SIM2: variants seen among roughly 807,000 people sequenced by gnomAD.
SIM2 encodes single-minded homolog 2.
A neutral mutation model predicts 64.8 loss-of-function variants in SIM2; 28 were observed. The ratio of observed to expected loss-of-function variants is 0.43; its 90% confidence interval spans 0.32 to 0.59. SIM2 has a LOEUF of 0.59. SIM2 is among the 20% of genes least tolerant of loss of function. SIM2 has a pLI of 0.07. For synonymous variants in SIM2, 408 were observed against 391.1 expected (o/e 1.04, Z -0.51); for missense variants, 847 against 871.4 (o/e 0.97, Z 0.35).
chr21:36,714,629 G>A (rs149286590), intron 3 of SIM2, among the ~76,000 whole-genome samples: 345 of 152,270 alleles, frequency 2.3e-3, no homozygotes, highest in African/African-American at 8.1e-3. Context: ...AGAGTCCTTT[G>A]GGGGCTCCTA....
Position 36,726,249 on chromosome 21 carries a change from T to G in SIM2, c.674T>G (p.Ile225Ser). ...QSLPPSAITE[I>S]KLYSNMFMFR... Reference sequence around the variant, plus strand: ...CTGCCACCCAGTGCCATCACCGAGATCAAGCTGTACAGTAACATGTTCATG... The same window carrying G: ...CTGCCACCCAGTGCCATCACCGAGAGCAAGCTGTACAGTAACATGTTCATG... The change falls in exon 6 of 11, where the codon ATC (isoleucine) becomes AGC (serine). Residue 225 changes from isoleucine (I) to serine (S), a missense_variant. This residue lies in a region of SIM2 where 397 missense variants were observed against 439.2 expected (regional missense o/e 0.90). Transcript: ENST00000290399. The surrounding 1 kb of genome is among the most constrained non-coding windows in gnomAD (Gnocchi z 4.5). The G allele has an allele frequency of 6.2e-7, 1 of 1,613,688 alleles. No homozygotes were observed. Among genetic ancestry groups the G allele is most frequent in the South Asian group, 1.1e-5 (1 of 91,058 alleles).
intron 5 of SIM2, among the ~76,000 whole-genome samples, chr21:36,723,533 C>T (rs759235535): frequency 2.0e-5 from 3 of 152,196 alleles, no homozygotes; most frequent in East Asian, 1.9e-4. Context: ...AGTTCCCTGC[C>T]GCCGATGACG....
Position 36,699,679 on chromosome 21 carries a change from C to T in SIM2, c.-68C>T. The T allele has an allele frequency of 1.3e-6, 2 of 1,547,110 alleles. No individual in the cohort carries two copies. Among genetic ancestry groups the T allele is most frequent in the Admixed American group, 3.8e-5 (2 of 52,522 alleles). ...GCTCCCCCTTCCCCATCCCCGCCGC[C>T]GCAGCCCGAGCGGGGCTCCGCGGGC... On this transcript the variant is annotated 5_prime_UTR_variant, in exon 1 of 11. Coordinates refer to ENST00000290399, the MANE Select transcript of SIM2 (RefSeq NM_005069.6). The surrounding 1 kb of genome is among the most constrained non-coding windows in gnomAD (Gnocchi z 5.6).
At chr21:36,701,296 C>T (rs376054303) in intron 1 of SIM2, 9 of 152,636 alleles carry the variant, frequency 5.9e-5, no homozygotes, top group African/African-American at 2.2e-4. Context: ...GCCATCCCCA[C>T]CAGGCACTCT....
intron 1 of SIM2, among the ~76,000 whole-genome samples, chr21:36,708,536 C>T (rs573108968): frequency 6.6e-6 from 1 of 152,196 alleles, no homozygotes; most frequent in Non-Finnish European, 1.5e-5. Flanking sequence ...TCTCGGGGAG[C>T]CCCCAGGTAA....
intron 1 of SIM2, among the ~76,000 whole-genome samples, chr21:36,704,289 C>G (rs1018265430): frequency 6.6e-6 from 1 of 152,210 alleles, no homozygotes; most frequent in Non-Finnish European, 1.5e-5. Flanking sequence ...GAAACTCACC[C>G]CTATACCCCT....
At chr21:36,732,289 T>A (rs191405475) in intron 7 of SIM2, among the ~76,000 whole-genome samples, 1 of 152,322 alleles carries the variant, frequency 6.6e-6, no homozygotes, top group African/African-American at 2.4e-5. Context: ...TCGGGGGTGC[T>A]TTATAATGGG....
chr21:36,713,027 G>T (rs1405921420), intron 3 of SIM2, among the ~76,000 whole-genome samples: 2 of 152,196 alleles, frequency 1.3e-5, no homozygotes. Context: ...AAGCTGATGT[G>T]GAACATGGAT....
chr21:36,700,924 G>T (rs1020259331), intron 1 of SIM2, among the ~76,000 whole-genome samples: 13 of 152,260 alleles, frequency 8.5e-5, no homozygotes, highest in Non-Finnish European at 1.5e-4. Flanking sequence ...GTGGCGCGCT[G>T]GGTGGGCTGC....
chr21:36,719,946 G>GAAA lies in SIM2; in HGVS notation c.457+26_457+28dup. ...TGCTCCAAGGTATTCCATCCAGAGG[G>GAAA]AAAAAAAAAAACAGACTAAAAGCAA... On this transcript the variant is annotated intron_variant, in intron 4 of 10. Transcript: ENST00000290399. The GAAA allele has an allele frequency of 1.0e-5, 13 of 1,248,792 alleles. No individual in the cohort carries two copies. Among genetic ancestry groups the GAAA allele is most frequent in the African/African-American group, 7.7e-5 (5 of 64,804 alleles). The allele number at this position is 1,248,792 out of a possible 1,614,324, so 77.4% of individuals were successfully genotyped here. A position where few individuals can be genotyped will look rare whatever the true frequency, so the allele number is the denominator to read the frequency against.
rs1290195649 is a variant in SIM2, at chr21:36,748,231, T to A, written c.*139T>A. On this transcript the variant is annotated 3_prime_UTR_variant, in exon 11 of 11. Transcript: ENST00000290399. ...TTGGACCCCGCCGCCGACTTGCGGATTTCCACCGCGGAGGCCCCGCGCGCC... is the reference window on the plus strand; with the variant it reads ...TTGGACCCCGCCGCCGACTTGCGGAATTCCACCGCGGAGGCCCCGCGCGCC... 7 of 435,908 alleles carry A rather than the reference T, an allele frequency of 1.6e-5. No homozygotes were observed. The highest frequency in any genetic ancestry group is 2.3e-5 in the Non-Finnish European group (7 of 309,844). 27.0% of individuals were successfully genotyped at this position (435,908 alleles called of 1,614,324 possible).
At chr21:36,703,851 T>G (rs1264726388) in intron 1 of SIM2, among the ~76,000 whole-genome samples, 1 of 152,256 alleles carries the variant, frequency 6.6e-6, no homozygotes, top group Non-Finnish European at 1.5e-5. Flanking sequence ...ATAGCTGCTC[T>G]GACTACAGGC....
chr21:36,736,494 C>T (rs1044587880), intron 7 of SIM2, among the ~76,000 whole-genome samples: 2 of 152,164 alleles, frequency 1.3e-5, no homozygotes, highest in African/African-American at 4.8e-5. Flanking sequence ...AATCGCAGCC[C>T]CTAAAGAGAA....
At chr21:36,737,510 A>G (rs1440935489) in intron 7 of SIM2, among the ~76,000 whole-genome samples, 1 of 152,244 alleles carries the variant, frequency 6.6e-6, no homozygotes, top group Non-Finnish European at 1.5e-5. Context: ...AGAAGGGATC[A>G]GTGTCAGTAA....
intron 2 of SIM2, among the ~76,000 whole-genome samples, chr21:36,711,059 T>C (rs1386547372): frequency 2.0e-5 from 3 of 152,244 alleles, no homozygotes; most frequent in Non-Finnish European, 4.4e-5. Context: ...CGGGCGTCTT[T>C]GCAGTTATTA....
intron 3 of SIM2, among the ~76,000 whole-genome samples, chr21:36,718,662 A>G (rs2088777706): frequency 6.6e-6 from 1 of 152,124 alleles, no homozygotes; most frequent in African/African-American, 2.4e-5. Flanking sequence ...GTGGTGGAGG[A>G]AGTCCTACCA....
At chr21:36,718,234 C>A (rs138383932) in intron 3 of SIM2, among the ~76,000 whole-genome samples, 101 of 152,190 alleles carry the variant, frequency 6.6e-4, no homozygotes, top group African/African-American at 2.2e-3. Flanking sequence ...CAGAGGAGTG[C>A]GATAAATCAC....
In SIM2 at chr21:36,743,522, G is replaced by A; in HGVS notation, c.1134G>A (p.Lys378=). Residue 378 remains lysine, a synonymous_variant, in exon 9 of 11, where the codon AAG becomes AAA. Coordinates refer to ENST00000290399, the MANE Select transcript of SIM2 (RefSeq NM_005069.6). ...TGAAACCCAAAAATACCAAGATGAA[G>A]ACAAAGCTGAGAACAAACCCTTACC... The part of the protein sequence containing the change: ...KLVKPKNTKM[K]TKLRTNPYPP... 1.2e-6 allele frequency: 2 copies of A among 1,614,022 alleles called. No homozygotes were observed. Among genetic ancestry groups the A allele is most frequent in the Non-Finnish European group, 1.7e-6 (2 of 1,180,006 alleles).
At position 36,748,655 on chromosome 21, in the gene SIM2, T is replaced by G. The variant is rs1728977100; in HGVS notation, c.*563T>G. On this transcript the variant is annotated 3_prime_UTR_variant, in exon 11 of 11. Coordinates refer to ENST00000290399, the MANE Select transcript of SIM2 (RefSeq NM_005069.6). Reference sequence around the variant, plus strand: ...ATTATTTTTGTTTTTATTTAACCCTTTCTTCAATACAAAAAGCCAACAAAC... The same window carrying G: ...ATTATTTTTGTTTTTATTTAACCCTGTCTTCAATACAAAAAGCCAACAAAC... 6.6e-6 allele frequency: 1 copy of G among 152,482 alleles called. No individual in the cohort carries two copies. The highest frequency in any genetic ancestry group is 2.4e-5 in the African/African-American group (1 of 41,454). The allele number at this position is 152,482 out of a possible 1,614,324, so 9.4% of individuals were successfully genotyped here.
Sources: allele counts gnomAD v4.1 joint callset (sites outside exome capture counted in the v4.1 genomes callset), GRCh38; gene constraint gnomAD v4.1.1; regional missense constraint gnomAD v4.1.1; non-coding constraint Gnocchi (gnomAD v3.1); transcripts MANE v1.5; gene names NCBI Gene and HGNC (gene_info 2026-07-23, HGNC 2026-07-21).